CAMKK2: variants seen among roughly 807,000 people sequenced by gnomAD.
CAMKK2 encodes calcium/calmodulin dependent protein kinase kinase 2.
Under a neutral mutation model 67.2 loss-of-function variants are expected in CAMKK2, and 30 were observed. That is an observed-to-expected ratio of 0.45 (90% CI 0.33 to 0.61). The LOEUF (loss-of-function observed/expected upper bound fraction) is 0.61, where lower values mean the gene tolerates loss of function less well. CAMKK2 is among the 20% of genes least tolerant of loss of function. The pLI, the probability that CAMKK2 is intolerant of heterozygous loss-of-function variation, is 0.02. For synonymous variants in CAMKK2, 322 were observed against 326.2 expected (o/e 0.99, Z 0.14); for missense variants, 643 against 802.0 (o/e 0.80, Z 2.39).
intron 13 of CAMKK2, 143 bp downstream of exon 13, chr12:121,249,644 C>T (rs1214420004): frequency 1.3e-6 from 1 of 751,148 alleles, no homozygotes; most frequent in Non-Finnish European, 2.4e-6. Flanking sequence ...CAACAGCCCC[C>T]AGCAGCTCAG....
chr12:121,286,859 A>T (rs887302433), intron 1 of CAMKK2, among the ~76,000 whole-genome samples: 1 of 152,000 alleles, frequency 6.6e-6, no homozygotes, highest in African/African-American at 2.4e-5. Context: ...CCAAGAAAGA[A>T]CTTTGGCAGT....
Position 121,240,825 on chromosome 12 carries a change from G to C in CAMKK2, c.1641C>G (p.Pro547=), listed in dbSNP as rs776018722. The C allele has an allele frequency of 1.4e-5, 23 of 1,611,988 alleles. No homozygotes were observed. In the South Asian group the frequency reaches 1.9e-4, roughly 13 times the overall value. The change falls in exon 17 of 17, where the codon CCC becomes CCG. Residue 547 remains proline (P), a synonymous_variant. Coordinates refer to ENST00000404169, the MANE Select transcript of CAMKK2 (RefSeq NM_001270485.2). The surrounding 1 kb of genome is among the most constrained non-coding windows in gnomAD (Gnocchi z 4.4). The part of the protein sequence containing the change: ...RRQPPGHRPA[P]RGGGGSALVR... Reference sequence around the variant, plus strand: ...CAAGAGCACTTCCTCCTCCCCCACGGGGGGCGGGTCGGTGCCCTGGAGGTT... The same window carrying C: ...CAAGAGCACTTCCTCCTCCCCCACGCGGGGCGGGTCGGTGCCCTGGAGGTT...
chr12:121,293,874 C>T (rs1236807679), intron 1 of CAMKK2, among the ~76,000 whole-genome samples: 1 of 152,100 alleles, frequency 6.6e-6, no homozygotes, highest in Non-Finnish European at 1.5e-5. Context: ...GCACTCATTC[C>T]TTGTGGTGTT....
chr12:121,240,251 A>AC lies in CAMKK2; in HGVS notation c.*447dup. The AC allele has an allele frequency of 1.6e-6, 1 of 624,592 alleles. No homozygotes were observed. The highest frequency in any genetic ancestry group is 2.8e-6 in the Non-Finnish European group (1 of 361,686). The allele number at this position is 624,592 out of a possible 1,614,324, so 38.7% of individuals were successfully genotyped here. On this transcript the variant is annotated 3_prime_UTR_variant, in exon 17 of 17. Transcript: ENST00000404169. This position sits in a 1 kb window ranked among gnomAD's most constrained non-coding sequence, Gnocchi z 4.4. ...TGGTTTCCGGTTTGCACTAGGAGCC[A>AC]CATCTAGCCCCCTACTCCCTCTCAA...
chr12:121,252,636 G>T, intron 11 of CAMKK2, 25 bp downstream of exon 11: 1 of 1,609,974 alleles, frequency 6.2e-7, no homozygotes, highest in Non-Finnish European at 8.5e-7. Flanking sequence ...GCAGTACTGA[G>T]GGGACAGACA....
intron 9 of CAMKK2, among the ~76,000 whole-genome samples, chr12:121,255,318 A>ATATATATAATTATATATATAATTT (rs1891912896): frequency 1.0e-4 from 2 of 19,536 alleles, no homozygotes; most frequent in African/African-American, 7.0e-4. Flanking sequence ...ATATAATTTT[A>ATATATATAATTATATATATAATTT]TATATATATA....
In CAMKK2 at chr12:121,238,449, A is replaced by G. The variant is rs1433877631; in HGVS notation, c.*2250T>C. ...GACAGAGCTGGCTTTTGAAAAATCA[A>G]TGTGCTCCAAGAGTGGCAGCTCAAA... On this transcript the variant is annotated 3_prime_UTR_variant, in exon 17 of 17. Coordinates refer to ENST00000404169, the MANE Select transcript of CAMKK2 (RefSeq NM_001270485.2). 1 of 152,560 alleles carries G rather than the reference A, an allele frequency of 6.6e-6. No individual in the cohort carries two copies. The highest frequency in any genetic ancestry group is 2.4e-5 in the African/African-American group (1 of 41,424). The allele number at this position is 152,560 out of a possible 1,614,324, so 9.5% of individuals were successfully genotyped here.
chr12:121,280,816 C>T (rs994572285), intron 1 of CAMKK2, among the ~76,000 whole-genome samples: 2 of 152,176 alleles, frequency 1.3e-5, no homozygotes, highest in African/African-American at 4.8e-5. Context: ...ACCGGTTGAT[C>T]TCAAAACCCT....
chr12:121,297,573 A>G (rs1593554212), upstream of CAMKK2: 1 of 515,872 alleles, frequency 1.9e-6, no homozygotes, highest in South Asian at 1.4e-5. Context: ...TGGATCCCCC[A>G]GCTGGATAAC....
chr12:121,248,652 T>TGAAGAGGA lies in CAMKK2; in HGVS notation c.1405_1406insTCCTCTTC (p.Glu469ValfsTer19). 6.2e-7 allele frequency: 1 copy of TGAAGAGGA among 1,614,206 alleles called. No homozygotes were observed. The highest frequency in any genetic ancestry group is 8.5e-7 in the Non-Finnish European group (1 of 1,180,024). On this transcript the variant is annotated frameshift_variant, in exon 14 of 17. Transcript: ENST00000404169. LOFTEE classifies it high-confidence loss of function. ...GTGTTTGACTGAGTTCTCGACCTCC[T>TGAAGAGGA]CTTCAGTCACTTCGACCAGCGTGCA... is the stretch of plus-strand genomic sequence containing the variant.
chr12:121,295,387 A>G (rs1900937912), intron 1 of CAMKK2, among the ~76,000 whole-genome samples: 1 of 152,172 alleles, frequency 6.6e-6, no homozygotes, highest in Non-Finnish European at 1.5e-5. Flanking sequence ...CTGCATTTGC[A>G]TGGCATGCAC....
At position 121,248,974 on chromosome 12, in the gene CAMKK2, C is replaced by T. The variant is rs543101701; in HGVS notation, c.1324-240G>A. Among the ~76,000 whole-genome samples, 5 of 152,362 alleles carry T rather than the reference C, an allele frequency of 3.3e-5. No homozygotes were observed. In the East Asian group the frequency reaches 5.8e-4, roughly 18 times the overall value. Reference sequence around the variant, plus strand: ...AGTGGGGCGATTCTCCATCCGGCCCCGGGTCTTGGCCGAAGTGATGGGAAT... The same window carrying T: ...AGTGGGGCGATTCTCCATCCGGCCCTGGGTCTTGGCCGAAGTGATGGGAAT... On this transcript the variant is annotated intron_variant, in intron 13 of 16. Transcript: ENST00000404169.
intron 1 of CAMKK2, among the ~76,000 whole-genome samples, chr12:121,275,242 G>T (rs990123237): frequency 6.6e-6 from 1 of 152,126 alleles, no homozygotes; most frequent in Non-Finnish European, 1.5e-5. Flanking sequence ...CTAGCATTTT[G>T]GGAGGCCAAG....
chr12:121,279,909 T>A (rs1897450355), intron 1 of CAMKK2, among the ~76,000 whole-genome samples: 1 of 152,238 alleles, frequency 6.6e-6, no homozygotes, highest in Non-Finnish European at 1.5e-5. Flanking sequence ...AGGGGCTGTT[T>A]CCAACCTGCA....
intron 11 of CAMKK2, 37 bp from the exon 12 acceptor site, chr12:121,250,071 C>A (rs565040512): frequency 6.5e-7 from 1 of 1,549,466 alleles, no homozygotes; most frequent in African/African-American, 1.4e-5. Context: ...CAGTCAATGG[C>A]GGCCACATCT....
At chr12:121,267,762 G>A (rs1177506802) in intron 5 of CAMKK2, among the ~76,000 whole-genome samples, 1 of 150,072 alleles carries the variant, frequency 6.7e-6, no homozygotes, top group African/African-American at 2.5e-5. Flanking sequence ...CCAGAGTGCT[G>A]GGATTACAGG....
intron 1 of CAMKK2, among the ~76,000 whole-genome samples, chr12:121,292,371 T>C (rs766942799): frequency 1.3e-5 from 2 of 152,076 alleles, no homozygotes; most frequent in Non-Finnish European, 2.9e-5. Context: ...TCAAGTGATC[T>C]ACCCGCCTCG....
chr12:121,240,672 G>T lies in CAMKK2; in HGVS notation c.*27C>A. On this transcript the variant is annotated 3_prime_UTR_variant, in exon 17 of 17. Coordinates refer to ENST00000404169, the MANE Select transcript of CAMKK2 (RefSeq NM_001270485.2). This position sits in a 1 kb window ranked among gnomAD's most constrained non-coding sequence, Gnocchi z 4.4. Reference sequence around the variant, plus strand: ...CAGCCCCCCAGAGGCGACGCGGCGCGCATGCGAGGTCGAGCGATCCAGGCA... The same window carrying T: ...CAGCCCCCCAGAGGCGACGCGGCGCTCATGCGAGGTCGAGCGATCCAGGCA... 2 of 1,567,930 alleles carry T rather than the reference G, an allele frequency of 1.3e-6. No homozygotes were observed. Among genetic ancestry groups the T allele is most frequent in the South Asian group, 1.1e-5 (1 of 87,002 alleles).
intron 5 of CAMKK2, among the ~76,000 whole-genome samples, chr12:121,267,289 T>A (rs996861396): frequency 6.6e-6 from 1 of 150,494 alleles, no homozygotes; most frequent in East Asian, 2.0e-4. Context: ...TTTTTGTATT[T>A]TTTTAGTAGA....
Sources: allele counts gnomAD v4.1 joint callset (sites outside exome capture counted in the v4.1 genomes callset), GRCh38; gene constraint gnomAD v4.1.1; non-coding constraint Gnocchi (gnomAD v3.1); transcripts MANE v1.5; gene names NCBI Gene and HGNC (gene_info 2026-07-23, HGNC 2026-07-21).